Variants in PAGE1 observed in about 807,000 individuals in gnomAD.
PAGE1 encodes P antigen family member 1.
In PAGE1, 6 loss-of-function variants were observed where a neutral mutation model predicts 11.5. That is an observed-to-expected ratio of 0.52 (90% CI 0.29 to 1.03). PAGE1 has a LOEUF of 1.03. PAGE1 is among the 50% of genes least tolerant of loss of function. PAGE1 has a pLI of 0.09. For synonymous variants in PAGE1, 42 were observed against 40.2 expected (o/e 1.05, Z -0.17); for missense variants, 120 against 110.2 (o/e 1.09, Z -0.40).
intron 4 of PAGE1, among the ~76,000 whole-genome samples, chrX:49,690,091 G>GTATATATGTGTATATATACACA (rs1383634425): frequency 0.038 from 1,966 of 51,520 alleles, 127 homozygotes; most frequent in East Asian, 0.071. Flanking sequence ...GTATATATGT[G>GTATATATGTGTATATATACACA]TATATATGTG....
chrX:49,689,461 C>A lies in PAGE1; in HGVS notation c.375G>T (p.Glu125Asp). 1 of 1,082,030 alleles carries A rather than the reference C, an allele frequency of 9.2e-7. No individual in the cohort carries two copies. Among genetic ancestry groups the A allele is most frequent in the South Asian group, 2.0e-5 (1 of 50,892 alleles). 89.2% of individuals were successfully genotyped at this position (1,082,030 alleles called of 1,213,427 possible). A position where few individuals can be genotyped will look rare whatever the true frequency, so the allele number is the denominator to read the frequency against. Reference protein sequence around the residue: ...CERGDGPDVQELGLPNPEEVK... With the variant: ...CERGDGPDVQDLGLPNPEEVK... ...CCTCCTCTGGATTTGGCAGGCCCAA[C>A]TCCTGGACATCAGGACCATCTCCGC... The change falls in exon 5 of 6, where the codon GAG (glutamate) becomes GAT (aspartate). Residue 125 changes from glutamate (E) to aspartate (D), a missense_variant. Coordinates refer to ENST00000376150, the MANE Select transcript of PAGE1 (RefSeq NM_003785.4).
chrX:49,689,639 T>TATATATATACATATAC (rs1557141637), intron 4 of PAGE1, 96 bp from the exon 5 acceptor site: 20 of 90,171 alleles, frequency 2.2e-4, no homozygotes, highest in African/African-American at 1.6e-3. Context: ...TACATATACA[T>TATATATATACATATAC]ATATATGTGT....
intron 3 of PAGE1, among the ~76,000 whole-genome samples, chrX:49,692,052 C>T (rs1321465996): frequency 9.0e-6 from 1 of 110,501 alleles, no homozygotes; most frequent in Non-Finnish European, 1.9e-5. Flanking sequence ...GAGGCTGAGG[C>T]ATGAGAATCT....
intron 2 of PAGE1, 30 bp from the exon 3 acceptor site, chrX:49,694,231 G>T: frequency 1.1e-6 from 1 of 919,517 alleles, no homozygotes; most frequent in Non-Finnish European, 1.5e-6. Flanking sequence ...GTGTGAGTGT[G>T]CAAAGACAAA....
At chrX:49,695,520 A>G (rs782511495) in intron 1 of PAGE1, among the ~76,000 whole-genome samples, 1 of 111,288 alleles carries the variant, frequency 9.0e-6, no homozygotes, top group Non-Finnish European at 1.9e-5. Flanking sequence ...TCGGGGCCCC[A>G]TTCAGGACTC....
intron 5 of PAGE1, 148 bp downstream of exon 5, chrX:49,689,270 G>A (rs1391396156): frequency 1.7e-6 from 1 of 593,071 alleles, no homozygotes; most frequent in Non-Finnish European, 2.1e-6. Flanking sequence ...GAACTTGGGA[G>A]GCAGAAGCTC....
chrX:49,694,161 GT>G lies in PAGE1; in HGVS notation c.103del (p.Thr35LeufsTer58). On this transcript the variant is annotated frameshift_variant, in exon 3 of 6. Coordinates refer to ENST00000376150, the MANE Select transcript of PAGE1 (RefSeq NM_003785.4). LOFTEE classifies it high-confidence loss of function. ...AGCAGGTGTAGAATCCTGACTTTGA[GT>G]TGGTGATTCCACTTCGTCAGGTTGC... is the stretch of plus-strand genomic sequence containing the variant. ...DEQPDEVESP[T>X]QSQDSTPAEE... 1 of 1,190,045 alleles carries G rather than the reference GT, an allele frequency of 8.4e-7. No individual in the cohort carries two copies. Among genetic ancestry groups the G allele is most frequent in the Non-Finnish European group, 1.1e-6 (1 of 882,887 alleles).
At position 49,687,515 on chromosome X, in the gene PAGE1, C is replaced by T. The variant is rs1205722368; in HGVS notation, c.*26G>A. On this transcript the variant is annotated 3_prime_UTR_variant, in exon 6 of 6. Coordinates refer to ENST00000376150, the MANE Select transcript of PAGE1 (RefSeq NM_003785.4). ...GGTCAAATTTCCAACACAGGAGCAG[C>T]CTGAACCATTTCAGCGTGTCTTCTT... The T allele has an allele frequency of 1.1e-5, 13 of 1,196,190 alleles. No individual in the cohort carries two copies. The highest frequency in any genetic ancestry group is 1.8e-5 in the African/African-American group (1 of 56,938).
At position 49,687,488 on chromosome X, in the gene PAGE1, A is replaced by G; in HGVS notation, c.*53T>C. On this transcript the variant is annotated 3_prime_UTR_variant, in exon 6 of 6. Coordinates refer to ENST00000376150, the MANE Select transcript of PAGE1 (RefSeq NM_003785.4). ...GTAAAGCTTTATTGGGAGAATTTTA[A>G]TGGTCAAATTTCCAACACAGGAGCA... The G allele has an allele frequency of 6.2e-6, 7 of 1,137,943 alleles. No individual in the cohort carries two copies. The highest frequency in any genetic ancestry group is 8.4e-6 in the Non-Finnish European group (7 of 829,235). The allele number at this position is 1,137,943 out of a possible 1,213,427, so 93.8% of individuals were successfully genotyped here.
chrX:49,693,558 A>G (rs187092419), intron 3 of PAGE1, among the ~76,000 whole-genome samples: 29 of 111,656 alleles, frequency 2.6e-4, no homozygotes, highest in Non-Finnish European at 4.7e-4. Flanking sequence ...AGCTACCTGT[A>G]TGGCAGTATC....
At chrX:49,695,123 G>A (rs781890630) in intron 1 of PAGE1, among the ~76,000 whole-genome samples, 4 of 112,780 alleles carry the variant, frequency 3.5e-5, no homozygotes, top group African/African-American at 6.4e-5. Context: ...CTCCTGCCTC[G>A]TCCGGAGTAG....
At chrX:49,690,081 G>GTA (rs1442023099) in intron 4 of PAGE1, among the ~76,000 whole-genome samples, 2 of 49,907 alleles carry the variant, frequency 4.0e-5, no homozygotes, top group African/African-American at 8.1e-5. Flanking sequence ...ATATATATGT[G>GTA]TATATATGTG....
At chrX:49,689,805 T>C (rs1312221619) in intron 4 of PAGE1, among the ~76,000 whole-genome samples, 1 of 63,048 alleles carries the variant, frequency 1.6e-5, no homozygotes, top group Non-Finnish European at 2.7e-5. Flanking sequence ...TGTATATATA[T>C]GTGTATATAC....
At chrX:49,690,518 G>GA (rs1557142102) in intron 4 of PAGE1, among the ~76,000 whole-genome samples, 3 of 110,563 alleles carry the variant, frequency 2.7e-5, no homozygotes, top group Admixed American at 9.7e-5. Context: ...AACGCTGAGT[G>GA]AAAAAAGTTC....
intron 3 of PAGE1, 68 bp from the exon 4 acceptor site, chrX:49,691,442 C>G: frequency 2.2e-6 from 2 of 924,379 alleles, no homozygotes; most frequent in Non-Finnish European, 3.0e-6. Context: ...AAATAATATT[C>G]ATGCTCTTGG....
In PAGE1 at chrX:49,689,609, T is replaced by TACAC. The variant is rs1557141605; in HGVS notation, c.293-67_293-66insGTGT. On this transcript the variant is annotated intron_variant, in intron 4 of 5. Coordinates refer to ENST00000376150, the MANE Select transcript of PAGE1 (RefSeq NM_003785.4). The stretch of plus-strand genomic sequence containing the variant: ...ATATATATATATATATATATATATA[T>TACAC]ATACATATACATATATATATACATA... The TACAC allele has an allele frequency of 3.9e-5, 3 of 77,537 alleles. 1 individual carries two copies. Among genetic ancestry groups the TACAC allele is most frequent in the African/African-American group, 2.8e-4 (3 of 10,825 alleles). 6.4% of individuals were successfully genotyped at this position (77,537 alleles called of 1,213,427 possible). A position where few individuals can be genotyped will look rare whatever the true frequency, so the allele number is the denominator to read the frequency against.
At chrX:49,694,893 A>T in intron 1 of PAGE1, 115 bp from the exon 2 acceptor site, 1 of 449,673 alleles carries the variant, frequency 2.2e-6, no homozygotes, top group Non-Finnish European at 3.9e-6. Flanking sequence ...TCTCAAAATA[A>T]GTCCCAGAGT....
At chrX:49,694,067 C>G (rs782280741) in intron 3 of PAGE1, 32 bp downstream of exon 3, 1 of 867,759 alleles carries the variant, frequency 1.2e-6, no homozygotes, top group Middle Eastern at 3.1e-4. Flanking sequence ...CACACACACC[C>G]CAACAGGCAT....
intron 4 of PAGE1, among the ~76,000 whole-genome samples, chrX:49,689,749 T>C (rs1270858131): frequency 1.6e-5 from 1 of 62,626 alleles, no homozygotes; most frequent in Non-Finnish European, 2.7e-5. Flanking sequence ...TATATGTATA[T>C]GTGTATATAT....
Sources: allele counts gnomAD v4.1 joint callset (sites outside exome capture counted in the v4.1 genomes callset), GRCh38; gene constraint gnomAD v4.1.1; transcripts MANE v1.5; gene names NCBI Gene and HGNC (gene_info 2026-07-23, HGNC 2026-07-21).